DGKI: variants seen among roughly 807,000 people sequenced by gnomAD.
DGKI encodes the protein DAG kinase iota.
DGKI carries 55 observed loss-of-function variants against 147.5 expected under a neutral mutation model. The ratio of observed to expected loss-of-function variants is 0.37; its 90% CI spans 0.30 to 0.47. DGKI has a LOEUF of 0.47. Ranked by LOEUF, DGKI falls within the 20% of genes least tolerant of loss-of-function variation. The pLI is 1.00. For synonymous variants in DGKI, 469 were observed against 477.1 expected (o/e 0.98, Z 0.22); for missense variants, 1,007 against 1,323.8 (o/e 0.76, Z 3.71).
intron 19 of DGKI, among the ~76,000 whole-genome samples, chr7:137,562,627 A>AG (rs1446872929): frequency 6.6e-6 from 1 of 152,186 alleles, no homozygotes; most frequent in African/African-American, 2.4e-5. Context: ...TCCAGAATGG[A>AG]GGGGGGATCC....
chr7:137,755,630 A>G (rs1795655707), intron 1 of DGKI, among the ~76,000 whole-genome samples: 1 of 152,212 alleles, frequency 6.6e-6, no homozygotes, highest in South Asian at 2.1e-4. Flanking sequence ...CCCCCAAGGG[A>G]ACCCCAACTT....
rs369028035 is a variant in DGKI at position 137,589,100 on chromosome 7, G to A, written c.1312-1890C>T. Reference sequence around the variant, plus strand: ...TGGAAGCAGTGGCATGTGATTTTTGGAACCTGTGGAGATGAAGAAACCTTA... The same window carrying A: ...TGGAAGCAGTGGCATGTGATTTTTGAAACCTGTGGAGATGAAGAAACCTTA... On this transcript the variant is annotated intron_variant, in intron 12 of 32. Transcript: ENST00000614521. Among the ~76,000 whole-genome samples the A allele has an allele frequency of 1.1e-4, 17 of 152,240 alleles. No individual in the cohort carries two copies. The East Asian group carries it at 1.2e-3, about 10-fold the overall frequency.
At chr7:137,626,057 AC>A (rs1354968908) in intron 6 of DGKI, among the ~76,000 whole-genome samples, 1 of 151,862 alleles carries the variant, frequency 6.6e-6, no homozygotes, top group Non-Finnish European at 1.5e-5. Flanking sequence ...CTGGGAGAGG[AC>A]TCTTGGAAGC....
At chr7:137,808,963 AC>A (rs371921561) in intron 1 of DGKI, among the ~76,000 whole-genome samples, 7 of 151,872 alleles carry the variant, frequency 4.6e-5, no homozygotes, top group Admixed American at 1.3e-4. Flanking sequence ...CAAACTCCAC[AC>A]CCCCCCAGGA....
intron 27 of DGKI, among the ~76,000 whole-genome samples, chr7:137,447,630 T>C (rs1235918781): frequency 2.0e-5 from 3 of 152,238 alleles, no homozygotes; most frequent in Non-Finnish European, 4.4e-5. Context: ...TAACTCAGTA[T>C]TGCTAGAATG....
At chr7:137,457,412 C>T (rs1394487988) in intron 27 of DGKI, among the ~76,000 whole-genome samples, 1 of 152,164 alleles carries the variant, frequency 6.6e-6, no homozygotes, top group African/African-American at 2.4e-5. Flanking sequence ...TCACAATAAG[C>T]ACAATTACCC....
intron 23 of DGKI, among the ~76,000 whole-genome samples, chr7:137,483,410 C>T (rs1815440367): frequency 6.6e-6 from 1 of 152,046 alleles, no homozygotes; most frequent in Non-Finnish European, 1.5e-5. Context: ...TAGAGATCAG[C>T]TCTTACCTTT....
chr7:137,728,514 G>C (rs1794776176), intron 1 of DGKI, among the ~76,000 whole-genome samples: 1 of 152,168 alleles, frequency 6.6e-6, no homozygotes, highest in South Asian at 2.1e-4. Context: ...CAAATGCAAA[G>C]AGTAGGCATG....
At chr7:137,439,593 GA>G (rs1194573178) in intron 28 of DGKI, among the ~76,000 whole-genome samples, 1 of 152,126 alleles carries the variant, frequency 6.6e-6, no homozygotes, top group African/African-American at 2.4e-5. Flanking sequence ...GACACATGGG[GA>G]TTATTACAAT....
chr7:137,598,473 A>G lies in DGKI; in HGVS notation c.1251-566T>C, dbSNP rs528492310. Among the ~76,000 whole-genome samples, 5 of 152,304 alleles carry G rather than the reference A, an allele frequency of 3.3e-5. No individual in the cohort carries two copies. In the South Asian group the frequency reaches 6.2e-4, roughly 19 times the overall value. On this transcript the variant is annotated intron_variant, in intron 11 of 32. Transcript: ENST00000614521. ...TACAATTCCATCTAGTCTTTCTCTC[A>G]GCTCAGTTACACACCACTTACACCT...
At chr7:137,832,275 C>T (rs1292678769) in intron 1 of DGKI, among the ~76,000 whole-genome samples, 1 of 152,244 alleles carries the variant, frequency 6.6e-6, no homozygotes, top group Non-Finnish European at 1.5e-5. Context: ...TCACATTTCC[C>T]TTCTGCACTG....
At chr7:137,761,622 G>A (rs1464211654) in intron 1 of DGKI, among the ~76,000 whole-genome samples, 2 of 151,968 alleles carry the variant, frequency 1.3e-5, no homozygotes, top group African/African-American at 4.8e-5. Flanking sequence ...TCCCCCTTGG[G>A]CTCCCATTTG....
At chr7:137,576,445 TTTCTCA>T (rs1385314944) in intron 17 of DGKI, among the ~76,000 whole-genome samples, 7 of 152,238 alleles carry the variant, frequency 4.6e-5, no homozygotes, top group African/African-American at 1.7e-4. Flanking sequence ...CTTTTTTCTC[TTTCTCA>T]TTCTGTCATT....
chr7:137,580,212 G>C (rs547621965), intron 15 of DGKI, among the ~76,000 whole-genome samples: 1 of 152,052 alleles, frequency 6.6e-6, no homozygotes, highest in Non-Finnish European at 1.5e-5. Flanking sequence ...GTATTATTAA[G>C]AAGTTTGGGG....
chr7:137,579,346 G>A (rs1481596561), intron 15 of DGKI, among the ~76,000 whole-genome samples: 1 of 149,336 alleles, frequency 6.7e-6, no homozygotes, highest in Admixed American at 6.8e-5. Context: ...ATCTGGTCTT[G>A]CTTATCCTGT....
intron 1 of DGKI, among the ~76,000 whole-genome samples, chr7:137,813,854 A>G (rs1026766651): frequency 6.6e-6 from 1 of 152,200 alleles, no homozygotes; most frequent in African/African-American, 2.4e-5. Flanking sequence ...CTGGTTCAGG[A>G]TATCTAATAA....
At chr7:137,438,942 T>C (rs966391407) in intron 28 of DGKI, among the ~76,000 whole-genome samples, 2 of 152,180 alleles carry the variant, frequency 1.3e-5, no homozygotes, top group Non-Finnish European at 2.9e-5. Flanking sequence ...ACGTATCCAT[T>C]CATATGTAAG....
chr7:137,614,865 A>G (rs1251002683), intron 8 of DGKI, among the ~76,000 whole-genome samples: 1 of 152,118 alleles, frequency 6.6e-6, no homozygotes, highest in Non-Finnish European at 1.5e-5. Flanking sequence ...TTAGACACAA[A>G]TATCCCAAAT....
intron 1 of DGKI, among the ~76,000 whole-genome samples, chr7:137,749,377 T>C (rs940839373): frequency 6.6e-6 from 1 of 152,158 alleles, no homozygotes; most frequent in African/African-American, 2.4e-5. Context: ...CTGCTGATTT[T>C]TCCCAAGCAA....
Sources: allele counts gnomAD v4.1 joint callset (sites outside exome capture counted in the v4.1 genomes callset), GRCh38; gene constraint gnomAD v4.1.1; transcripts MANE v1.5; gene names NCBI Gene and HGNC (gene_info 2026-07-23, HGNC 2026-07-21).